Variants in MX2 observed in about 807,000 individuals in gnomAD.
MX2 encodes the protein MX dynamin like GTPase 2.
In MX2, 51 loss-of-function variants were observed where a neutral mutation model predicts 74.0. That is an observed-to-expected ratio of 0.69 (90% confidence interval 0.55 to 0.87). The LOEUF is 0.87. Ranked by LOEUF, MX2 falls within the 40% of genes least tolerant of loss-of-function variation. The pLI is 0.00. For missense variants in MX2, 832 were observed against 908.7 expected, an observed-to-expected ratio of 0.92 and a Z score of 1.09; for synonymous variants, 369 against 339.3, an observed-to-expected ratio of 1.09 and a Z score of -0.96.
At position 41,389,231 on chromosome 21, in the gene MX2, A is replaced by C. The variant is rs373243746; in HGVS notation, c.733-1334A>C. Among the ~76,000 whole-genome samples, 251 of 152,242 alleles carry C rather than the reference A, an allele frequency of 1.6e-3. 1 individual carries two copies. The highest frequency in any genetic ancestry group is 5.9e-3 in the African/African-American group (247 of 41,538). On this transcript the variant is annotated intron_variant, in intron 5 of 13. Coordinates refer to ENST00000330714, the MANE Select transcript of MX2 (RefSeq NM_002463.2). ...AAAAACTTGTTCAGAAAGGTTGCTTAAGGCCAGGTGCTGTGGCTCATGCCT... is the reference window on the plus strand; with the variant it reads ...AAAAACTTGTTCAGAAAGGTTGCTTCAGGCCAGGTGCTGTGGCTCATGCCT...
intron 2 of MX2, 47 bp from the exon 3 acceptor site, chr21:41,377,742 G>A (rs760741947): frequency 3.9e-6 from 6 of 1,555,318 alleles, no homozygotes. Flanking sequence ...TGACACCAGG[G>A]ACCCTATCAG....
chr21:41,406,957 T>G lies in MX2; in HGVS notation c.1864T>G (p.Ser622Ala), dbSNP rs922107163. The change falls in exon 13 of 14, where the codon TCC (serine) becomes GCC (alanine). Residue 622 changes from serine to alanine, a missense_variant. Ser to Ala is a moderately conservative substitution (Grantham distance 99). Transcript: ENST00000330714. ...TCCCAGTAATGAGTCTTCGGTTTCC[T>G]CCTTTACTGAAATAGGCATCCACCT... ...HFPSNESSVS[S>A]FTEIGIHLNA... The G allele has an allele frequency of 5.0e-6, 8 of 1,613,618 alleles. No homozygotes were observed. In the Admixed American group the frequency reaches 1.0e-4, roughly 20 times the overall value.
rs2089415878 is a variant in MX2 at position 41,377,115 on chromosome 21, A to G, written c.209A>G (p.Asn70Ser). Residue 70 changes from asparagine (N) to serine (S), a missense_variant, in exon 2 of 14, where the codon AAT (asparagine) becomes AGT (serine). Asn to Ser is a conservative substitution (Grantham distance 46). Coordinates refer to ENST00000330714, the MANE Select transcript of MX2 (RefSeq NM_002463.2). Reference protein sequence around the residue: ...AKDFNFLTLNNQPPPGNRSQP... With the variant: ...AKDFNFLTLNSQPPPGNRSQP... ...GACTTCAACTTTCTCACTTTGAACA[A>G]TCAGCCACCACCAGGAAACAGGAGC... 6.2e-7 allele frequency: 1 copy of G among 1,614,168 alleles called. No individual in the cohort carries two copies. Among genetic ancestry groups the G allele is most frequent in the Non-Finnish European group, 8.5e-7 (1 of 1,180,010 alleles).
At chr21:41,401,409 A>G (rs1444514618) in intron 10 of MX2, 3 of 152,336 alleles carry the variant, frequency 2.0e-5, no homozygotes, top group Non-Finnish European at 2.9e-5. Context: ...CATTTAACTG[A>G]TCAGATTTTT....
chr21:41,405,550 T>C (rs2089874140), intron 12 of MX2, among the ~76,000 whole-genome samples: 1 of 152,078 alleles, frequency 6.6e-6, no homozygotes, highest in Non-Finnish European at 1.5e-5. Flanking sequence ...CATGAGGCTC[T>C]ACCCTCATGA....
At chr21:41,372,920 T>G (rs1450549936) in intron 1 of MX2, 2 of 152,342 alleles carry the variant, frequency 1.3e-5, no homozygotes, top group Admixed American at 6.5e-5. Flanking sequence ...TTTTTATTGT[T>G]TTTTCCTCCA....
chr21:41,402,026 G>A lies in MX2; in HGVS notation c.1471G>A (p.Glu491Lys), dbSNP rs2089821169. ...EKYEKQYRGK[E>K]LLGFVNYKTF... ...ATATGAAAAGCAGTATCGAGGCAAGGAGCTTCTGGGATTTGTCAACTACAA... is the reference window on the plus strand; with the variant it reads ...ATATGAAAAGCAGTATCGAGGCAAGAAGCTTCTGGGATTTGTCAACTACAA... The change falls in exon 11 of 14, where the codon GAG becomes AAG. Residue 491 changes from glutamate to lysine, a missense_variant. By Grantham distance (56) the Glu-to-Lys change is moderately conservative. Transcript: ENST00000330714. This position sits in a 1 kb window ranked among gnomAD's most constrained non-coding sequence, Gnocchi z 4.5. 3 of 1,614,144 alleles carry A rather than the reference G, an allele frequency of 1.9e-6. No homozygotes were observed. The highest frequency in any genetic ancestry group is 2.2e-5 in the East Asian group (1 of 44,882).
chr21:41,398,394 G>A (rs1278202543), intron 8 of MX2, among the ~76,000 whole-genome samples: 2 of 152,178 alleles, frequency 1.3e-5, no homozygotes, highest in African/African-American at 4.8e-5. Context: ...ATTCTCAAAA[G>A]CAGACAACTA....
At chr21:41,403,223 A>G (rs755196622) in intron 11 of MX2, 44 bp from the exon 12 acceptor site, 1 of 1,453,866 alleles carries the variant, frequency 6.9e-7, no homozygotes, top group East Asian at 2.3e-5. Flanking sequence ...CTTGCATTTT[A>G]CTGATGTTTT....
intron 6 of MX2, among the ~76,000 whole-genome samples, chr21:41,393,789 T>A (rs558703879): frequency 2.6e-4 from 40 of 152,254 alleles, no homozygotes; most frequent in African/African-American, 9.6e-4. Context: ...CTGGCCAATG[T>A]CTCCAGTTAA....
intron 10 of MX2, among the ~76,000 whole-genome samples, chr21:41,400,231 G>T (rs1044455341): frequency 1.3e-5 from 2 of 152,198 alleles, no homozygotes; most frequent in Non-Finnish European, 2.9e-5. Context: ...GAATCCACAT[G>T]AAATCGTTTA....
chr21:41,384,494 T>C lies in MX2; in HGVS notation c.732+1930T>C, dbSNP rs117049863. On this transcript the variant is annotated intron_variant, in intron 5 of 13. Transcript: ENST00000330714. ...TCTCTCTAAGCTTTTCATTTATGTT[T>C]CAGATTTCTAAAGGGCTTTGTTTCT... Among the ~76,000 whole-genome samples the C allele has an allele frequency of 3.3e-3, 508 of 152,324 alleles. 5 individuals are homozygous for C. In the East Asian group the frequency reaches 0.061, roughly 18 times the overall value.
intron 3 of MX2, among the ~76,000 whole-genome samples, chr21:41,379,385 G>A (rs919295540): frequency 6.6e-6 from 1 of 152,126 alleles, no homozygotes; most frequent in South Asian, 2.1e-4. Context: ...ACTCAGCACC[G>A]CTCCCACCTT....
intron 5 of MX2, among the ~76,000 whole-genome samples, chr21:41,387,951 C>T (rs60641746): frequency 0.05 from 7,573 of 152,134 alleles, 363 homozygotes; most frequent in East Asian, 0.18. Flanking sequence ...TCCTCTCACA[C>T]GACACGTCCA....
At chr21:41,362,332 G>A (rs1438379088) in intron 1 of MX2, among the ~76,000 whole-genome samples, 1 of 152,036 alleles carries the variant, frequency 6.6e-6, no homozygotes, top group Non-Finnish European at 1.5e-5. Context: ...GCCAAAAGTC[G>A]GGTGGACGCA....
Position 41,385,157 on chromosome 21 carries a change from G to C in MX2, c.732+2593G>C, listed in dbSNP as rs151160781. 3.9e-5 allele frequency among the ~76,000 whole-genome samples: 6 copies of C among 152,278 alleles called. No homozygotes were observed. The East Asian group carries it at 9.7e-4, about 25-fold the overall frequency. ...ATTTTTCCTTTGTATTCAACACTTA[G>C]CTAACGGGTTGGCACAAGCAGCTTA... On this transcript the variant is annotated intron_variant, in intron 5 of 13. Transcript: ENST00000330714.
At chr21:41,397,420 G>A (rs988507707) in intron 7 of MX2, among the ~76,000 whole-genome samples, 193 bp from the exon 8 acceptor site, 1 of 152,208 alleles carries the variant, frequency 6.6e-6, no homozygotes, top group Non-Finnish European at 1.5e-5. Context: ...AAAGGGAGGA[G>A]GGAAGGAAGC....
chr21:41,401,935 CA>C lies in MX2; in HGVS notation c.1415-34del, dbSNP rs549377115. 8.4e-5 allele frequency: 135 copies of C among 1,597,776 alleles called. 1 individual carries two copies. In the South Asian group the frequency reaches 1.4e-3, roughly 16 times the overall value. Reference sequence around the variant, plus strand: ...AGCTTTACGACGTCTGCAGAATTAGCAGAATTCACCATGGAGGTCTGTTTGA... The same window carrying C: ...AGCTTTACGACGTCTGCAGAATTAGCGAATTCACCATGGAGGTCTGTTTGA... On this transcript the variant is annotated intron_variant, in intron 10 of 13. Transcript: ENST00000330714.
At chr21:41,382,797 G>A (rs1312086329) in intron 5 of MX2, among the ~76,000 whole-genome samples, 4 of 152,230 alleles carry the variant, frequency 2.6e-5, no homozygotes, top group East Asian at 3.8e-4. Flanking sequence ...GATAGTGTAC[G>A]CCCTGCCCAG....
Sources: allele counts gnomAD v4.1 joint callset (sites outside exome capture counted in the v4.1 genomes callset), GRCh38; gene constraint gnomAD v4.1.1; non-coding constraint Gnocchi (gnomAD v3.1); transcripts MANE v1.5; gene names NCBI Gene and HGNC (gene_info 2026-07-23, HGNC 2026-07-21).